The following PPL variants were observed in gnomAD, a reference collection of about 807,000 sequenced individuals.
The protein encoded by PPL is 190 kDa paraneoplastic pemphigus antigen.
In PPL, 198 loss-of-function variants were observed where a neutral mutation model predicts 194.4. The observed-to-expected ratio is 1.02, with a 90% CI of 0.91 to 1.15. The LOEUF is 1.15. Among genes scored for constraint, PPL ranks in the 50% most tolerant of loss-of-function variants. PPL has a pLI of 0.00. For missense variants in PPL, 2,885 were observed against 2,294.8 expected (o/e 1.26, Z -5.25); for synonymous variants, 1,220 against 972.4 (o/e 1.25, Z -4.74).
At position 4,884,916 on chromosome 16, in the gene PPL, C is replaced by G; in HGVS notation, c.3739G>C (p.Glu1247Gln). 6.2e-7 allele frequency: 1 copy of G among 1,614,166 alleles called. No homozygotes were observed. The highest frequency in any genetic ancestry group is 8.5e-7 in the Non-Finnish European group (1 of 1,180,032). The change falls in exon 22 of 22, where the codon GAG becomes CAG. Residue 1247 changes from glutamate (E) to glutamine (Q), a missense_variant. Physicochemically the swap from Glu to Gln is conservative, Grantham distance 29. Transcript: ENST00000345988. This position sits in a 1 kb window ranked among gnomAD's most constrained non-coding sequence, Gnocchi z 5.7. ...ATCTCCTCCCTGAGCCGCTGAAGCT[C>G]CTTCTCCATCTCAGGGTCAGTCTTG... is the stretch of plus-strand genomic sequence containing the variant. The part of the protein sequence containing the change: ...KYKTDPEMEK[E>Q]LQRLREEIVD...
chr16:4,919,315 T>G (rs2088990321), intron 1 of PPL, among the ~76,000 whole-genome samples: 1 of 152,202 alleles, frequency 6.6e-6, no homozygotes, highest in Non-Finnish European at 1.5e-5. Flanking sequence ...GGAGAAAGAC[T>G]TCAGGTCTGG....
chr16:4,902,622 A>C lies in PPL; in HGVS notation c.318-96T>G. The C allele has an allele frequency of 5.0e-6, 7 of 1,407,594 alleles. No homozygotes were observed. Among genetic ancestry groups the C allele is most frequent in the South Asian group, 1.3e-5 (1 of 74,152 alleles). The allele number at this position is 1,407,594 out of a possible 1,614,324, so 87.2% of individuals were successfully genotyped here. ...CCAGACCCCGGCCTCAGTGTCCTGG[A>C]AGGACACAGTGACCATATGGCCTTG... On this transcript the variant is annotated intron_variant, in intron 3 of 21. Coordinates refer to ENST00000345988, the MANE Select transcript of PPL (RefSeq NM_002705.5). This position sits in a 1 kb window ranked among gnomAD's most constrained non-coding sequence, Gnocchi z 4.0.
rs1291273493 is a variant in PPL, at chr16:4,899,327, A to G, written c.664T>C (p.Cys222Arg). 3 of 1,613,380 alleles carry G rather than the reference A, an allele frequency of 1.9e-6. No individual in the cohort carries two copies. Among genetic ancestry groups the G allele is most frequent in the Middle Eastern group, 1.6e-4 (1 of 6,084 alleles). ...LSSLQDYMQR[C>R]TNELYWLDQQ... is the part of the protein sequence containing the mutation. ...TCCAGCCAGTACAGCTCATTGGTGCAGCGCTGCATGTAGTCCTGCAGCGAA... is the reference window on the plus strand; with the variant it reads ...TCCAGCCAGTACAGCTCATTGGTGCGGCGCTGCATGTAGTCCTGCAGCGAA... The change falls in exon 7 of 22, where the codon TGC becomes CGC. Residue 222 changes from cysteine to arginine, a missense_variant. Cys to Arg is a radical substitution (Grantham distance 180, BLOSUM62 -3). Coordinates refer to ENST00000345988, the MANE Select transcript of PPL (RefSeq NM_002705.5).
chr16:4,891,950 C>T lies in PPL; in HGVS notation c.1830-1G>A. The T allele has an allele frequency of 6.2e-7, 1 of 1,612,450 alleles. No individual in the cohort carries two copies. Among genetic ancestry groups the T allele is most frequent in the Non-Finnish European group, 8.5e-7 (1 of 1,179,514 alleles). ...CTCCAGGCGGTTGGCCACATCAACC[C>T]TGAGAGCACCAATCAGGCGTCGGGG... On this transcript the variant is annotated splice_acceptor_variant, in intron 15 of 21. Transcript: ENST00000345988. LOFTEE classifies it high-confidence loss of function.
intron 1 of PPL, among the ~76,000 whole-genome samples, chr16:4,928,816 G>C (rs1020289951): frequency 9.9e-5 from 15 of 151,928 alleles, no homozygotes; most frequent in African/African-American, 3.6e-4. Flanking sequence ...TTTGCGACCA[G>C]CCTGGCCAAC....
Position 4,902,631 on chromosome 16 carries a change from G to A in PPL, c.318-105C>T. The A allele has an allele frequency of 3.0e-6, 4 of 1,311,950 alleles. No individual in the cohort carries two copies. The highest frequency in any genetic ancestry group is 4.2e-6 in the Non-Finnish European group (4 of 954,718). 81.3% of individuals were successfully genotyped at this position (1,311,950 alleles called of 1,614,324 possible). A position where few individuals can be genotyped will look rare whatever the true frequency, so the allele number is the denominator to read the frequency against. The stretch of plus-strand genomic sequence containing the variant: ...GGCCTCAGTGTCCTGGAAGGACACA[G>A]TGACCATATGGCCTTGGGTTCCAGA... On this transcript the variant is annotated intron_variant, in intron 3 of 21. Coordinates refer to ENST00000345988, the MANE Select transcript of PPL (RefSeq NM_002705.5). The surrounding 1 kb of genome is among the most constrained non-coding windows in gnomAD (Gnocchi z 4.0).
intron 2 of PPL, among the ~76,000 whole-genome samples, chr16:4,906,447 G>C (rs917311413): frequency 6.6e-6 from 1 of 152,010 alleles, no homozygotes; most frequent in African/African-American, 2.4e-5. Context: ...GGATGGTCTC[G>C]ATCTCCTGAC....
intron 6 of PPL, among the ~76,000 whole-genome samples, chr16:4,900,575 G>A (rs74782659): frequency 0.03 from 4,461 of 151,126 alleles, 217 homozygotes; most frequent in African/African-American, 0.1. Context: ...AAGTAGCTGG[G>A]ACCACAGGCA....
intron 1 of PPL, among the ~76,000 whole-genome samples, chr16:4,928,362 C>T (rs2089185923): frequency 6.6e-6 from 1 of 152,254 alleles, no homozygotes; most frequent in African/African-American, 2.4e-5. Context: ...GGCCACTGTG[C>T]CCGGCCATCT....
intron 18 of PPL, 123 bp downstream of exon 18, chr16:4,890,061 C>T (rs780357086): frequency 2.8e-6 from 4 of 1,412,588 alleles, no homozygotes; most frequent in Admixed American, 1.9e-5. Context: ...AGGGAGGACA[C>T]AGCTGTGGCA....
In PPL at chr16:4,891,889, T is replaced by C. The variant is rs2142341750; in HGVS notation, c.1890A>G (p.Thr630=). ...SLQQSWELLA[T]HENHLNQDDT... The stretch of plus-strand genomic sequence containing the variant: ...CATCCTGATTCAGATGGTTCTCGTG[T>C]GTGGCCAGCAACTCCCAGCTCTGCT... The change falls in exon 16 of 22, where the codon ACA becomes ACG. Residue 630 remains threonine, a synonymous_variant. Transcript: ENST00000345988. The C allele has an allele frequency of 6.2e-7, 1 of 1,613,620 alleles. No homozygotes were observed. Among genetic ancestry groups the C allele is most frequent in the Non-Finnish European group, 8.5e-7 (1 of 1,180,008 alleles).
intron 2 of PPL, 67 bp from the exon 3 acceptor site, chr16:4,904,107 G>A: frequency 1.3e-6 from 2 of 1,522,926 alleles, no homozygotes; most frequent in South Asian, 1.2e-5. Flanking sequence ...CAATGGGAGG[G>A]GTGGGAGGAA....
intron 1 of PPL, among the ~76,000 whole-genome samples, chr16:4,924,354 T>C (rs913211469): frequency 6.6e-6 from 1 of 152,144 alleles, no homozygotes. Flanking sequence ...ACAGCCCATG[T>C]CACGGGGCCA....
intron 2 of PPL, among the ~76,000 whole-genome samples, chr16:4,904,608 C>T (rs942306585): frequency 1.3e-5 from 2 of 152,148 alleles, no homozygotes; most frequent in Admixed American, 1.3e-4. Context: ...TGCAAAGGTC[C>T]TGAGGCAGGA....
intron 1 of PPL, among the ~76,000 whole-genome samples, chr16:4,912,831 T>C (rs374021674): frequency 3.8e-4 from 58 of 152,256 alleles, no homozygotes; most frequent in African/African-American, 1.3e-3. Flanking sequence ...AGGCCCGGTG[T>C]GGTGGCTCAT....
At position 4,895,609 on chromosome 16, in the gene PPL, C is replaced by G. The variant is rs200813533; in HGVS notation, c.1080G>C (p.Leu360=). 4.3e-6 allele frequency: 7 copies of G among 1,613,990 alleles called. No individual in the cohort carries two copies. The highest frequency in any genetic ancestry group is 5.9e-6 in the Non-Finnish European group (7 of 1,180,018). ...CATCGCTCACATCCAGCTCCCGCAGCAGCAGCTCAATCTGGTACCGGTCCT... is the reference window on the plus strand; with the variant it reads ...CATCGCTCACATCCAGCTCCCGCAGGAGCAGCTCAATCTGGTACCGGTCCT... The part of the protein sequence containing the change: ...DFKDRYQIEL[L]LRELDDQEKV... Residue 360 remains leucine (L), a synonymous_variant, in exon 10 of 22, where the codon CTG becomes CTC. Coordinates refer to ENST00000345988, the MANE Select transcript of PPL (RefSeq NM_002705.5).
At chr16:4,918,041 C>T (rs2088961227) in intron 1 of PPL, among the ~76,000 whole-genome samples, 1 of 151,788 alleles carries the variant, frequency 6.6e-6, no homozygotes, top group Admixed American at 6.6e-5. Context: ...GCCTGTAATC[C>T]CAGCACTTTG....
At chr16:4,893,139 G>C in intron 14 of PPL, 74 bp downstream of exon 14, 1 of 1,424,910 alleles carries the variant, frequency 7.0e-7, no homozygotes, top group South Asian at 1.5e-5. Context: ...ATGGGGAAAA[G>C]ACCTCAAATA....
Position 4,883,656 on chromosome 16 carries a change from G to A in PPL, c.4999C>T (p.Arg1667Cys), listed in dbSNP as rs532677347. 2.4e-5 allele frequency: 38 copies of A among 1,614,118 alleles called. No individual in the cohort carries two copies. The highest frequency in any genetic ancestry group is 2.3e-4 in the African/African-American group (17 of 75,048). The change falls in exon 22 of 22, where the codon CGC (arginine) becomes TGC (cysteine). Residue 1667 changes from arginine to cysteine, a missense_variant. Coordinates refer to ENST00000345988, the MANE Select transcript of PPL (RefSeq NM_002705.5). The surrounding 1 kb of genome is among the most constrained non-coding windows in gnomAD (Gnocchi z 4.8). ...SIVVIHPDTGRELSPEEAHRA... is the reference protein window; with the variant it reads ...SIVVIHPDTGCELSPEEAHRA... ...TGGGCTTCCTCCGGGGACAGCTCGC[G>A]GCCTGTGTCAGGGTGGATGACTACG...
Sources: gnomAD v4.1 joint callset for allele counts (sites outside exome capture counted in the v4.1 genomes callset) on GRCh38, gnomAD v4.1.1 for gene constraint, Gnocchi (gnomAD v3.1) non-coding constraint, MANE v1.5 for transcripts, NCBI Gene and HGNC (gene_info 2026-07-23, HGNC 2026-07-21) for gene names.